ADAMTS10: variants seen among roughly 807,000 people sequenced by gnomAD.
ADAMTS10 encodes A disintegrin and metalloproteinase with thrombospondin motifs 10.
In ADAMTS10, 48 loss-of-function variants were observed where a neutral mutation model predicts 135.9. That is an observed-to-expected ratio of 0.35 (90% CI 0.28 to 0.45). The LOEUF (loss-of-function observed/expected upper bound fraction) is 0.45, where lower values mean the gene tolerates loss of function less well. Among genes scored for constraint, ADAMTS10 ranks in the 20% least tolerant of loss-of-function variants. The probability of loss-of-function intolerance (pLI) is 1.00; values close to 1 mark genes in which losing one functional copy is unlikely to be tolerated. For missense variants in ADAMTS10, 1,131 were observed against 1,565.2 expected (o/e 0.72, Z 4.68); for synonymous variants, 621 against 647.5 (o/e 0.96, Z 0.62).
rs1446671105 is a variant in ADAMTS10, at chr19:8,592,819, T to A, written c.1531A>T (p.Asn511Tyr). The change falls in exon 13 of 26, where the codon AAC (asparagine) becomes TAC (tyrosine). Residue 511 changes from asparagine (N) to tyrosine (Y), a missense_variant. Coordinates refer to ENST00000597188, the MANE Select transcript of ADAMTS10 (RefSeq NM_030957.4). Reference protein sequence around the residue: ...CLSKSNRCITNSIPAAEGTLC... With the variant: ...CLSKSNRCITYSIPAAEGTLC... ...GTGCCCTCGGCGGCCGGGATGCTGT[T>A]GGTGATGCACCGGTTGCTCTTGCTC... 6.2e-7 allele frequency: 1 copy of A among 1,613,180 alleles called. No individual in the cohort carries two copies. Among genetic ancestry groups the A allele is most frequent in the Non-Finnish European group, 8.5e-7 (1 of 1,179,882 alleles).
chr19:8,584,568 T>G (rs2146036914), intron 25 of ADAMTS10, among the ~76,000 whole-genome samples: 1 of 152,270 alleles, frequency 6.6e-6, no homozygotes, highest in African/African-American at 2.4e-5. Flanking sequence ...ATGTCACTAG[T>G]GCCTGAGGTT....
intron 18 of ADAMTS10, among the ~76,000 whole-genome samples, chr19:8,588,113 T>C (rs1021089020): frequency 6.6e-6 from 1 of 151,942 alleles, no homozygotes; most frequent in Non-Finnish European, 1.5e-5. Context: ...GCCGGGCATG[T>C]AGTGCATGTC....
At position 8,585,256 on chromosome 19, in the gene ADAMTS10, C is replaced by G. The variant is rs782288071; in HGVS notation, c.2918G>C (p.Ser973Thr). 8 of 1,493,868 alleles carry G rather than the reference C, an allele frequency of 5.4e-6. No homozygotes were observed. The highest frequency in any genetic ancestry group is 7.1e-6 in the Non-Finnish European group (8 of 1,120,020). 92.5% of individuals were successfully genotyped at this position (1,493,868 alleles called of 1,614,324 possible). The change falls in exon 24 of 26, where the codon AGC (serine) becomes ACC (threonine). Residue 973 changes from serine to threonine, a missense_variant. This residue lies in a region of ADAMTS10 where 745 missense variants were observed against 1,056.3 expected (regional missense o/e 0.71). Coordinates refer to ENST00000597188, the MANE Select transcript of ADAMTS10 (RefSeq NM_030957.4). Reference protein sequence around the residue: ...GLRHRVVLCKSADHRATLPPA... With the variant: ...GLRHRVVLCKTADHRATLPPA... ...GGGCAGCGTGGCGCGGTGGTCTGCG[C>G]TCTTGCAAAGGACCACGCGGTGGCG...
intron 22 of ADAMTS10, 116 bp from the exon 23 acceptor site, chr19:8,585,776 G>A: frequency 9.4e-7 from 1 of 1,065,194 alleles, no homozygotes; most frequent in Non-Finnish European, 1.4e-6. Context: ...TATGGAAACT[G>A]GCACCAGGCA....
rs1002552550 is a variant in ADAMTS10, at chr19:8,580,438, C to G, written c.*455G>C. The G allele has an allele frequency of 7.7e-4, 37 of 48,114 alleles. No individual in the cohort carries two copies. The highest frequency in any genetic ancestry group is 1.1e-4 in the Non-Finnish European group (3 of 26,532). The allele number at this position is 48,114 out of a possible 1,614,324, so 3.0% of individuals were successfully genotyped here. On this transcript the variant is annotated 3_prime_UTR_variant, in exon 26 of 26. Transcript: ENST00000597188. ...GAGGGTGTCAGGGAGGTGGTGCTAC[C>G]CCCCCCCCTCCCATAGCAGACACAG...
At chr19:8,581,141 T>A (rs1555735739) in intron 25 of ADAMTS10, 139 bp from the exon 26 acceptor site, 5 of 236,082 alleles carry the variant, frequency 2.1e-5, no homozygotes, top group Admixed American at 6.7e-5. Context: ...TTTTTTTTTT[T>A]TTTTTTTTTT....
chr19:8,584,855 C>T, intron 25 of ADAMTS10, 40 bp downstream of exon 25: 1 of 1,547,284 alleles, frequency 6.5e-7, no homozygotes, highest in Non-Finnish European at 8.7e-7. Context: ...TGCCTCTGGC[C>T]AGGACCCTCC....
At chr19:8,586,307 C>T (rs1238815512) in intron 21 of ADAMTS10, 37 bp downstream of exon 21, 1 of 1,613,512 alleles carries the variant, frequency 6.2e-7, no homozygotes, top group African/African-American at 1.3e-5. Context: ...GAACCTCAGC[C>T]CAGGTATCTT....
At chr19:8,595,695 A>G in intron 12 of ADAMTS10, 67 bp downstream of exon 12, 215 of 1,208,192 alleles carry the variant, frequency 1.8e-4, no homozygotes, top group Non-Finnish European at 2.3e-4. Context: ...GCCCTGGTGG[A>G]GTTCCCTCCC....
intron 16 of ADAMTS10, 144 bp downstream of exon 16, chr19:8,589,745 T>C: frequency 7.1e-7 from 1 of 1,404,318 alleles, no homozygotes; most frequent in Admixed American, 2.0e-5. Flanking sequence ...TGAACCCCCA[T>C]GGTACCGTAT....
intron 12 of ADAMTS10, 88 bp downstream of exon 12, chr19:8,595,673 TC>T: frequency 1.4e-6 from 2 of 1,415,428 alleles, no homozygotes; most frequent in Non-Finnish European, 1.9e-6. Flanking sequence ...CCCCCTCACT[TC>T]CCAGGTGGGT....
At chr19:8,599,180 T>C (rs1455004375) in intron 6 of ADAMTS10, among the ~76,000 whole-genome samples, 1 of 152,012 alleles carries the variant, frequency 6.6e-6, no homozygotes, top group Non-Finnish European at 1.5e-5. Flanking sequence ...AGATCTAGGA[T>C]GGAAATGGAC....
Position 8,589,693 on chromosome 19 carries a change from G to A in ADAMTS10, c.1901-108C>T, listed in dbSNP as rs74178113. Reference sequence around the variant, plus strand: ...GGACAGACCCCAGACCCAAGAGGAAGGGCAGCTTGGGCAGAGGGAGTGGGG... The same window carrying A: ...GGACAGACCCCAGACCCAAGAGGAAAGGCAGCTTGGGCAGAGGGAGTGGGG... On this transcript the variant is annotated intron_variant, in intron 16 of 25. Transcript: ENST00000597188. 308,482 of 1,544,886 alleles carry A rather than the reference G, an allele frequency of 0.2. 31,682 individuals carry two copies. Among genetic ancestry groups the A allele is most frequent in the Admixed American group, 0.21 (11,418 of 53,420 alleles).
Position 8,596,225 on chromosome 19 carries a change from GA to G in ADAMTS10, c.1191-7del. 6.2e-7 allele frequency: 1 copy of G among 1,613,698 alleles called. No homozygotes were observed. Among genetic ancestry groups the G allele is most frequent in the African/African-American group, 1.3e-5 (1 of 74,948 alleles). ...CGTCATGGTTCATGCCGAATCTGGG[GA>G]AAGGGGTGTCGGCTCTGCCGGGCGC... On this transcript the variant is annotated splice_polypyrimidine_tract_variant and splice_region_variant and intron_variant, in intron 10 of 25. Coordinates refer to ENST00000597188, the MANE Select transcript of ADAMTS10 (RefSeq NM_030957.4). The surrounding 1 kb of genome is among the most constrained non-coding windows in gnomAD (Gnocchi z 7.2).
intron 25 of ADAMTS10, among the ~76,000 whole-genome samples, chr19:8,584,154 C>CAAAAAAA (rs34412373): frequency 8.9e-5 from 4 of 44,862 alleles, no homozygotes; most frequent in Admixed American, 2.8e-4. Flanking sequence ...GACTCCATCT[C>CAAAAAAA]AAAAAAAAAA....
At chr19:8,594,283 G>A (rs2042578398) in intron 12 of ADAMTS10, among the ~76,000 whole-genome samples, 1 of 152,162 alleles carries the variant, frequency 6.6e-6, no homozygotes, top group African/African-American at 2.4e-5. Context: ...GCAGCCTAAT[G>A]CCTGTCTTGC....
At chr19:8,609,936 C>CAACCACACACTCCCAGACATGTGT (rs1555743210) in intron 1 of ADAMTS10, among the ~76,000 whole-genome samples, 3 of 152,026 alleles carry the variant, frequency 2.0e-5, no homozygotes, top group Admixed American at 6.6e-5. Context: ...TGGAGACACA[C>CAACCACACACTCCCAGACATGTGT]AACCACACAC....
At position 8,580,857 on chromosome 19, in the gene ADAMTS10, A is replaced by G. The variant is rs782348033; in HGVS notation, c.*36T>C. 2.4e-4 allele frequency: 370 copies of G among 1,517,662 alleles called. No individual in the cohort carries two copies. The highest frequency in any genetic ancestry group is 3.2e-4 in the Non-Finnish European group (353 of 1,114,282). 94.0% of individuals were successfully genotyped at this position (1,517,662 alleles called of 1,614,324 possible). ...GCCCGCTGCAGGGCTGGCGGCGGAG[A>G]CCCCGCCAGCTGTGGCTCCGGGTGC... On this transcript the variant is annotated 3_prime_UTR_variant, in exon 26 of 26. Coordinates refer to ENST00000597188, the MANE Select transcript of ADAMTS10 (RefSeq NM_030957.4).
Position 8,591,826 on chromosome 19 carries a change from T to C in ADAMTS10, c.1771A>G (p.Arg591Gly), listed in dbSNP as rs782594064. Residue 591 changes from arginine to glycine, a missense_variant, in exon 15 of 26, where the codon AGG becomes GGG. By Grantham distance (125) the Arg-to-Gly change is moderately radical. This residue lies in a region of ADAMTS10 where 745 missense variants were observed against 1,056.3 expected (regional missense o/e 0.71). Coordinates refer to ENST00000597188, the MANE Select transcript of ADAMTS10 (RefSeq NM_030957.4). Reference protein sequence around the residue: ...IGGKYCLGERRRHRSCNTDDC... With the variant: ...IGGKYCLGERGRHRSCNTDDC... The stretch of plus-strand genomic sequence containing the variant: ...TCCGTGTTGCAGGAGCGGTGCCGCC[T>C]TCTCTCACCCAGACAGTACTTGCCC... The C allele has an allele frequency of 6.2e-7, 1 of 1,613,818 alleles. No homozygotes were observed. The highest frequency in any genetic ancestry group is 8.5e-7 in the Non-Finnish European group (1 of 1,180,014).
Sources: allele counts gnomAD v4.1 joint callset (sites outside exome capture counted in the v4.1 genomes callset), GRCh38; gene constraint gnomAD v4.1.1; regional missense constraint gnomAD v4.1.1; non-coding constraint Gnocchi (gnomAD v3.1); transcripts MANE v1.5; gene names NCBI Gene and HGNC (gene_info 2026-07-23, HGNC 2026-07-21).